The following PCDHA4 variants were observed in gnomAD, a reference collection of about 807,000 sequenced individuals.
The protein encoded by PCDHA4 is protocadherin alpha 4, also known as protocadherin alpha-4.
Under a neutral mutation model 61.4 loss-of-function variants are expected in PCDHA4, and 49 were observed. That is an observed-to-expected ratio of 0.80 (90% CI 0.63 to 1.01). PCDHA4 has a LOEUF of 1.01. Among genes scored for constraint, PCDHA4 ranks in the 50% least tolerant of loss-of-function variants. The pLI is 0.00. For synonymous variants in PCDHA4, 590 were observed against 550.3 expected (o/e 1.07, Z -1.01); for missense variants, 1,254 against 1,235.8 (o/e 1.01, Z -0.22).
intron 1 of PCDHA4, chr5:140,862,471 C>A (rs1000381603): frequency 1.5e-4 from 55 of 374,462 alleles, no homozygotes; most frequent in Non-Finnish European, 2.7e-4. Context: ...GAGAGCAAAT[C>A]TATCCATTGT....
rs185275722 is a variant in PCDHA4 at position 140,880,200 on chromosome 5, G to A, written c.2385+70628G>A. Among the ~76,000 whole-genome samples the A allele has an allele frequency of 2.9e-3, 441 of 152,242 alleles. 2 individuals are homozygous for A. The highest frequency in any genetic ancestry group is 9.7e-3 in the African/African-American group (402 of 41,548). ...TGAAGGGAAAAAGATAAACAGAAGA[G>A]GTTTTCCACCAGAAGTAGAACATTT... is the stretch of plus-strand genomic sequence containing the variant. On this transcript the variant is annotated intron_variant, in intron 1 of 3. Coordinates refer to ENST00000530339, the MANE Select transcript of PCDHA4 (RefSeq NM_018907.4).
chr5:140,967,969 C>T (rs997628696), intron 1 of PCDHA4: 3 of 1,614,064 alleles, frequency 1.9e-6, no homozygotes, highest in African/African-American at 1.3e-5. Flanking sequence ...GGAAAGTGAG[C>T]CTGGGTCTGG....
In PCDHA4 at chr5:140,977,999, G is replaced by A. The variant is rs1185111218; in HGVS notation, c.2386-950G>A. Among the ~76,000 whole-genome samples the A allele has an allele frequency of 1.3e-5, 2 of 152,132 alleles. 1 individual carries two copies. The highest frequency in any genetic ancestry group is 4.8e-5 in the African/African-American group (2 of 41,406). ...AAACGCATCTAGAGGAGTGTCACAA[G>A]TTTTTCACAGTGACATTTTTGCTTA... On this transcript the variant is annotated intron_variant, in intron 1 of 3. Coordinates refer to ENST00000530339, the MANE Select transcript of PCDHA4 (RefSeq NM_018907.4).
chr5:140,870,229 C>T (rs781897836), intron 1 of PCDHA4: 13 of 1,614,046 alleles, frequency 8.1e-6, no homozygotes, highest in East Asian at 4.5e-5. Context: ...CGTGTCTGAC[C>T]GTGACTCAGG....
intron 1 of PCDHA4, among the ~76,000 whole-genome samples, chr5:140,937,181 G>A (rs573153234): frequency 5.3e-5 from 8 of 151,984 alleles, no homozygotes; most frequent in African/African-American, 1.9e-4. Context: ...GGGACTACAG[G>A]CGCCCGCCAC....
chr5:140,876,568 G>A (rs1302204057), intron 1 of PCDHA4: 1 of 1,614,046 alleles, frequency 6.2e-7, no homozygotes, highest in African/African-American at 1.3e-5. Context: ...TGCTCAGGTG[G>A]GTACCGTCAT....
chr5:140,896,037 C>T (rs1373567434), intron 1 of PCDHA4, among the ~76,000 whole-genome samples: 1 of 152,156 alleles, frequency 6.6e-6, no homozygotes, highest in Non-Finnish European at 1.5e-5. Context: ...TCTCGAACTC[C>T]TGACCTCAGG....
chr5:140,835,696 C>T (rs2150242204), intron 1 of PCDHA4: 2 of 1,613,914 alleles, frequency 1.2e-6, no homozygotes, highest in South Asian at 2.2e-5. Context: ...CTGTGGGCCA[C>T]TGCTAGCGTG....
In PCDHA4 at chr5:141,009,987, A is replaced by C. The variant is rs2154001821; in HGVS notation, c.*50A>C. The C allele has an allele frequency of 6.3e-7, 1 of 1,580,396 alleles. No individual in the cohort carries two copies. Among genetic ancestry groups the C allele is most frequent in the East Asian group, 2.2e-5 (1 of 44,670 alleles). On this transcript the variant is annotated 3_prime_UTR_variant, in exon 4 of 4. Coordinates refer to ENST00000530339, the MANE Select transcript of PCDHA4 (RefSeq NM_018907.4). The stretch of plus-strand genomic sequence containing the variant: ...TTAGCCAGTTTTTGTAATAATGGCA[A>C]ATCTCTCCCATGTAGCAATTCCCTG...
At chr5:140,903,545 C>T (rs1562939927) in intron 1 of PCDHA4, among the ~76,000 whole-genome samples, 3 of 152,130 alleles carry the variant, frequency 2.0e-5, no homozygotes, top group Non-Finnish European at 4.4e-5. Context: ...GAGCAAGAAA[C>T]TTTTCTAATA....
In PCDHA4 at chr5:140,808,475, G is replaced by A. The variant is rs1359220357; in HGVS notation, c.1288G>A (p.Gly430Arg). The A allele has an allele frequency of 2.5e-6, 4 of 1,614,172 alleles. No homozygotes were observed. The highest frequency in any genetic ancestry group is 4.5e-5 in the East Asian group (2 of 44,874). ...TGAGCTGGTGGTGACCGCGCGAGAC[G>A]GGGGCTCGCCTTCGCTGTGGGCCAC... ...AYELVVTARD[G>R]GSPSLWATAS... Residue 430 changes from glycine to arginine, a missense_variant, in exon 1 of 4, where the codon GGG becomes AGG. Gly to Arg is a moderately radical substitution (Grantham distance 125). Transcript: ENST00000530339.
intron 1 of PCDHA4, among the ~76,000 whole-genome samples, chr5:140,942,466 A>G (rs1269455545): frequency 2.0e-5 from 3 of 152,266 alleles, no homozygotes; most frequent in African/African-American, 7.2e-5. Flanking sequence ...TAATACAATC[A>G]AATTCAAGCT....
chr5:140,954,046 G>T (rs1554221229), intron 1 of PCDHA4, among the ~76,000 whole-genome samples: 1 of 152,124 alleles, frequency 6.6e-6, no homozygotes, highest in East Asian at 1.9e-4. Context: ...TTGGTTTTCT[G>T]TTCCTGCATT....
At chr5:140,969,930 C>T (rs1200018667) in intron 1 of PCDHA4, among the ~76,000 whole-genome samples, 1 of 152,178 alleles carries the variant, frequency 6.6e-6, no homozygotes, top group Non-Finnish European at 1.5e-5. Flanking sequence ...AGTATTTAGA[C>T]ATCATACTGA....
chr5:140,946,224 C>T (rs1450090999), intron 1 of PCDHA4, among the ~76,000 whole-genome samples: 1 of 151,786 alleles, frequency 6.6e-6, no homozygotes, highest in Non-Finnish European at 1.5e-5. Context: ...AACAGGTATA[C>T]TAAAAAATGC....
chr5:140,869,229 C>G, intron 1 of PCDHA4: 1 of 1,613,752 alleles, frequency 6.2e-7, no homozygotes, highest in Non-Finnish European at 8.5e-7. Context: ...CCAAACACGG[C>G]ACCTTCGTGG....
At chr5:140,843,387 C>T in intron 1 of PCDHA4, 1 of 1,596,066 alleles carries the variant, frequency 6.3e-7, no homozygotes, top group Non-Finnish European at 8.6e-7. Context: ...GTTTTGGGTC[C>T]GGAAGCGGCG....
rs2041332150 is a variant in PCDHA4, at chr5:140,850,080, G to T, written c.2385+40508G>T. 56 of 1,596,464 alleles carry T rather than the reference G, an allele frequency of 3.5e-5. 4 individuals are homozygous for T. Among genetic ancestry groups the T allele is most frequent in the Non-Finnish European group, 4.6e-5 (54 of 1,167,848 alleles). ...GCAGCCGTTGGACCACGAGGAGCTG[G>T]AGCTGCTACAGTTCCAGGTGAGCGC... On this transcript the variant is annotated intron_variant, in intron 1 of 3. Coordinates refer to ENST00000530339, the MANE Select transcript of PCDHA4 (RefSeq NM_018907.4).
chr5:140,828,285 G>T lies in PCDHA4; in HGVS notation c.2385+18713G>T, dbSNP rs1200053101. ...GCGGAGCTGGTGCCGCGCCTGTTCA[G>T]GATGGCCTCCAAAGACCGCGAGGAC... On this transcript the variant is annotated intron_variant, in intron 1 of 3. Coordinates refer to ENST00000530339, the MANE Select transcript of PCDHA4 (RefSeq NM_018907.4). The T allele has an allele frequency of 1.2e-6, 2 of 1,614,124 alleles. No homozygotes were observed. The highest frequency in any genetic ancestry group is 1.7e-6 in the Non-Finnish European group (2 of 1,180,054).
Sources: gnomAD v4.1 joint callset for allele counts (sites outside exome capture counted in the v4.1 genomes callset) on GRCh38, gnomAD v4.1.1 for gene constraint, MANE v1.5 for transcripts, NCBI Gene and HGNC (gene_info 2026-07-23, HGNC 2026-07-21) for gene names.